The following PPP1R16A variants were observed in gnomAD, a reference collection of about 807,000 sequenced individuals.
PPP1R16A encodes the protein myosin phosphatase-targeting subunit 3.
A neutral mutation model predicts 46.6 loss-of-function variants in PPP1R16A; 39 were observed. The observed-to-expected ratio is 0.84, with a 90% CI of 0.65 to 1.09. The LOEUF (loss-of-function observed/expected upper bound fraction) is 1.09, where lower values mean the gene tolerates loss of function less well. PPP1R16A is among the 50% of genes least tolerant of loss of function. The pLI is 0.00. For synonymous variants in PPP1R16A, 413 were observed against 321.5 expected (o/e 1.28, Z -3.04); for missense variants, 798 against 735.6 (o/e 1.08, Z -0.98).
intron 1 of PPP1R16A, among the ~76,000 whole-genome samples, chr8:144,485,089 A>T (rs1207082927): frequency 6.6e-6 from 1 of 151,772 alleles, no homozygotes; most frequent in Non-Finnish European, 1.5e-5. Flanking sequence ...CCAGAGTGTG[A>T]GTAGGAGTCA....
At chr8:144,480,265 G>A (rs60264676) in intron 1 of PPP1R16A, among the ~76,000 whole-genome samples, 5,160 of 152,256 alleles carry the variant, frequency 0.034, 284 homozygotes, top group African/African-American at 0.12. Context: ...AGCTTTTACT[G>A]TGAAGGGCTA....
chr8:144,478,355 G>C, intron 1 of PPP1R16A: 1 of 367,158 alleles, frequency 2.7e-6, no homozygotes, highest in Non-Finnish European at 4.9e-6. Context: ...GCCGGGGAGG[G>C]GCCCTCGGGA....
intron 1 of PPP1R16A, among the ~76,000 whole-genome samples, chr8:144,488,678 C>A (rs1381033259): frequency 6.6e-6 from 1 of 152,018 alleles, no homozygotes; most frequent in Non-Finnish European, 1.5e-5. Context: ...GGAATTTGGG[C>A]AACGATGGGC....
chr8:144,498,809 CCAA>C lies in PPP1R16A; in HGVS notation c.301_303del (p.Asn101del), dbSNP rs1383540461. ...GGGAGTGGGGTCAGCCCTGACTTGG[CCAA>C]CGAGGACGGCCTGACGGCCCTGCAC... On this transcript the variant is annotated inframe_deletion, in exon 4 of 12. Coordinates refer to ENST00000435887, the MANE Select transcript of PPP1R16A (RefSeq NM_001329443.2). The C allele has an allele frequency of 1.4e-5, 22 of 1,603,788 alleles. No individual in the cohort carries two copies. The highest frequency in any genetic ancestry group is 1.7e-5 in the Non-Finnish European group (20 of 1,172,650).
At chr8:144,499,559 C>G in intron 5 of PPP1R16A, 1 of 188,326 alleles carries the variant, frequency 5.3e-6, no homozygotes, top group East Asian at 1.4e-4. Context: ...CGGTCATTCT[C>G]GAGTGCCCCT....
chr8:144,501,640 A>C lies in PPP1R16A; in HGVS notation c.1324A>C (p.Thr442Pro). 6.2e-7 allele frequency: 1 copy of C among 1,610,682 alleles called. No individual in the cohort carries two copies. Among genetic ancestry groups the C allele is most frequent in the Non-Finnish European group, 8.5e-7 (1 of 1,178,980 alleles). ...VSYQLSPLDSTTPHTLVHDKA... is the reference protein window; with the variant it reads ...VSYQLSPLDSPTPHTLVHDKA... ...CTACCAGCTGAGCCCCCTGGACAGC[A>C]CCACCCCCCACACCCTGGTCCACGA... The change falls in exon 12 of 12, where the codon ACC becomes CCC. Residue 442 changes from threonine to proline, a missense_variant. Physicochemically the swap from Thr to Pro is conservative, Grantham distance 38. Transcript: ENST00000435887.
At chr8:144,500,428 G>T in intron 7 of PPP1R16A, 37 bp downstream of exon 7, 1 of 1,523,836 alleles carries the variant, frequency 6.6e-7, no homozygotes, top group Non-Finnish European at 8.8e-7. Flanking sequence ...CGGGGCTGGG[G>T]GCCTCGCTAC....
In PPP1R16A at chr8:144,500,748, C is replaced by T. The variant is rs371451014; in HGVS notation, c.894C>T (p.Asp298=). 17 of 1,611,614 alleles carry T rather than the reference C, an allele frequency of 1.1e-5. No individual in the cohort carries two copies. The highest frequency in any genetic ancestry group is 1.3e-5 in the Non-Finnish European group (15 of 1,179,602). ...ACCTGAACGCAAAGTCCCTGATGGA[C>T]GAGACGCCCCTTGGTGAGCTTGCGG... ...GADLNAKSLM[D]ETPLDVCGDE... Residue 298 remains aspartate, a synonymous_variant, in exon 9 of 12, where the codon GAC becomes GAT. Coordinates refer to ENST00000435887, the MANE Select transcript of PPP1R16A (RefSeq NM_001329443.2).
chr8:144,483,074 G>A (rs10435711), intron 1 of PPP1R16A, among the ~76,000 whole-genome samples: 58,472 of 152,058 alleles, frequency 0.38, 13,236 homozygotes, highest in South Asian at 0.57. Flanking sequence ...GAGCCACCGC[G>A]CCCGGCCCAA....
At position 144,495,863 on chromosome 8, in the gene PPP1R16A, C is replaced by CCTGT. The variant is rs968491388; in HGVS notation, c.-734-592_-734-589dup. On this transcript the variant is annotated intron_variant, in intron 2 of 11. Transcript: ENST00000435887. Reference sequence around the variant, plus strand: ...TGCCCCAGCCGAAGCTGTCTGCCTGCCTGTCTGTCCCCATAGGCCTCAAGC... The same window carrying CCTGT: ...TGCCCCAGCCGAAGCTGTCTGCCTGCCTGTCTGTCTGTCCCCATAGGCCTCAAGC... The CCTGT allele has an allele frequency of 4.6e-4, 70 of 152,474 alleles. 1 individual carries two copies. Among genetic ancestry groups the CCTGT allele is most frequent in the African/African-American group, 1.7e-3 (69 of 41,592 alleles). The allele number at this position is 152,474 out of a possible 1,614,324, so 9.4% of individuals were successfully genotyped here. A position where few individuals can be genotyped will look rare whatever the true frequency, so the allele number is the denominator to read the frequency against.
At chr8:144,488,486 A>G (rs1825692498) in intron 1 of PPP1R16A, among the ~76,000 whole-genome samples, 1 of 152,140 alleles carries the variant, frequency 6.6e-6, no homozygotes, top group Admixed American at 6.6e-5. Flanking sequence ...CGAGCCAGGC[A>G]GAGAGGAGGC....
chr8:144,490,915 T>C (rs192824845), intron 2 of PPP1R16A, among the ~76,000 whole-genome samples: 8 of 151,944 alleles, frequency 5.3e-5, no homozygotes, highest in African/African-American at 1.4e-4. Flanking sequence ...AATAACAAAT[T>C]AGCCGGGTGT....
chr8:144,497,191 C>T lies in PPP1R16A; in HGVS notation c.-4C>T, dbSNP rs751535278. The T allele has an allele frequency of 3.1e-5, 49 of 1,557,916 alleles. No homozygotes were observed. The highest frequency in any genetic ancestry group is 5.5e-5 in the African/African-American group (4 of 73,380). On this transcript the variant is annotated 5_prime_UTR_variant, in exon 3 of 12. Transcript: ENST00000435887. ...AGCAGCCCTGTGGGCAAGCAGCCGC[C>T]GCCATGGCCGAGCACCTGGAGCTGC... is the stretch of plus-strand genomic sequence containing the variant.
chr8:144,499,069 C>T lies in PPP1R16A; in HGVS notation c.476+8C>T. ...GGAGCTGCTCATCGCCAGGTAGGGC[C>T]TGTTGGGCGTCCTTGGCAGGGAGAG... On this transcript the variant is annotated splice_region_variant and intron_variant, in intron 5 of 11. Coordinates refer to ENST00000435887, the MANE Select transcript of PPP1R16A (RefSeq NM_001329443.2). The T allele has an allele frequency of 6.4e-7, 1 of 1,567,584 alleles. No individual in the cohort carries two copies. Among genetic ancestry groups the T allele is most frequent in the Non-Finnish European group, 8.7e-7 (1 of 1,154,254 alleles).
chr8:144,497,284 C>T lies in PPP1R16A; in HGVS notation c.90C>T (p.Arg30=), dbSNP rs766551858. 26 of 1,611,602 alleles carry T rather than the reference C, an allele frequency of 1.6e-5. No individual in the cohort carries two copies. The highest frequency in any genetic ancestry group is 2.7e-5 in the African/African-American group (2 of 74,938). ...GGCTGAAGCATGCCCAGAAGCGGCG[C>T]GCCCAGCAGGTGAAGATGTGGGCCC... The part of the protein sequence containing the change: ...QERLKHAQKR[R]AQQVKMWAQA... The change falls in exon 3 of 12, where the codon CGC becomes CGT. Residue 30 remains arginine, a synonymous_variant. Transcript: ENST00000435887.
At chr8:144,492,284 G>A (rs1384873720) in intron 2 of PPP1R16A, among the ~76,000 whole-genome samples, 3 of 152,180 alleles carry the variant, frequency 2.0e-5, no homozygotes. Flanking sequence ...GACCTGCTCT[G>A]GGGGTTTTAG....
rs573768469 is a variant in PPP1R16A at position 144,493,722 on chromosome 8, G to A, written c.-734-2739G>A. On this transcript the variant is annotated intron_variant, in intron 2 of 11. Transcript: ENST00000435887. The surrounding 1 kb of genome is among the most constrained non-coding windows in gnomAD (Gnocchi z 4.3). ...CACCCCCTGGCACCCACTCTTGGGG[G>A]GCCCTGGGCTCACTTTGGGTACCTC... Among the ~76,000 whole-genome samples, 98 of 152,308 alleles carry A rather than the reference G, an allele frequency of 6.4e-4. No homozygotes were observed. The highest frequency in any genetic ancestry group is 2.2e-3 in the African/African-American group (90 of 41,582).
At chr8:144,495,440 C>T (rs1035804770) in intron 2 of PPP1R16A, 2 of 152,236 alleles carry the variant, frequency 1.3e-5, no homozygotes, top group African/African-American at 4.8e-5. Flanking sequence ...TCTTTTCTTT[C>T]TTCCTTTCTT....
At chr8:144,484,987 C>T (rs535751287) in intron 1 of PPP1R16A, among the ~76,000 whole-genome samples, 1 of 152,030 alleles carries the variant, frequency 6.6e-6, no homozygotes, top group African/African-American at 2.4e-5. Context: ...GGAAAGAGGC[C>T]GGGTGCGTGG....
Sources: allele counts gnomAD v4.1 joint callset (sites outside exome capture counted in the v4.1 genomes callset), GRCh38; gene constraint gnomAD v4.1.1; non-coding constraint Gnocchi (gnomAD v3.1); transcripts MANE v1.5; gene names NCBI Gene and HGNC (gene_info 2026-07-23, HGNC 2026-07-21).